ZKSCAN2: variants seen among roughly 807,000 people sequenced by gnomAD.
ZKSCAN2 encodes the protein zinc finger protein with KRAB and SCAN domains 2.
ZKSCAN2 carries 38 observed loss-of-function variants against 90.5 expected under a neutral mutation model. That is an observed-to-expected ratio of 0.42 (90% CI 0.32 to 0.55). ZKSCAN2 has a LOEUF of 0.55. ZKSCAN2 is among the 20% of genes least tolerant of loss of function. The pLI is 0.11. For synonymous variants in ZKSCAN2, 429 were observed against 421.6 expected, an observed-to-expected ratio of 1.02 and a Z score of -0.22; for missense variants, 1,167 against 1,202.6, an observed-to-expected ratio of 0.97 and a Z score of 0.44.
In ZKSCAN2 at chr16:25,250,166, G is replaced by A. The variant is rs192615741; in HGVS notation, c.805+1743C>T. 9.1e-3 allele frequency among the ~76,000 whole-genome samples: 1,389 copies of A among 152,036 alleles called. 21 individuals carry two copies. Among genetic ancestry groups the A allele is most frequent in the African/African-American group, 0.032 (1,318 of 41,454 alleles). ...TCTACTAAAAATACAAAAATTAGCC[G>A]GGCATGGTGGCATGCACCTGTAGTT... On this transcript the variant is annotated intron_variant, in intron 4 of 6. Transcript: ENST00000328086.
chr16:25,244,081 C>A lies in ZKSCAN2; in HGVS notation c.1685G>T (p.Arg562Leu), dbSNP rs770075484. The part of the protein sequence containing the change: ...TKFKSLQKSY[R>L]KVKNGHVLES... Reference sequence around the variant, plus strand: ...TAGCACGTGGCCATTTTTCACCTTGCGGTAACTCTTCTGAAGGCTTTTGAA... The same window carrying A: ...TAGCACGTGGCCATTTTTCACCTTGAGGTAACTCTTCTGAAGGCTTTTGAA... Residue 562 changes from arginine to leucine, a missense_variant, in exon 6 of 7, where the codon CGC (arginine) becomes CTC (leucine). Coordinates refer to ENST00000328086, the MANE Select transcript of ZKSCAN2 (RefSeq NM_001012981.5). 18 of 1,614,038 alleles carry A rather than the reference C, an allele frequency of 1.1e-5. No homozygotes were observed. The East Asian group carries it at 3.3e-4, about 30-fold the overall frequency.
In ZKSCAN2 at chr16:25,257,228, CG is replaced by C. The variant is rs1963119521; in HGVS notation, c.-102del. The C allele has an allele frequency of 2.8e-6, 4 of 1,443,248 alleles. No individual in the cohort carries two copies. The highest frequency in any genetic ancestry group is 4.0e-4 in the Middle Eastern group (2 of 4,990). 89.4% of individuals were successfully genotyped at this position (1,443,248 alleles called of 1,614,324 possible). On this transcript the variant is annotated 5_prime_UTR_variant, in exon 1 of 7. Transcript: ENST00000328086. ...ATGTTCCTGGGAGTGTGATAAGGTA[CG>C]GAGGTAAAAACGGCCAGGTCGGCAG...
At position 25,253,160 on chromosome 16, in the gene ZKSCAN2, G is replaced by A. The variant is rs954461062; in HGVS notation, c.587-123C>T. ...CAAATATAAATTCACCATTTTATCTGTGAGTTCAGAACAATCCCCAAAAAC... is the reference window on the plus strand; with the variant it reads ...CAAATATAAATTCACCATTTTATCTATGAGTTCAGAACAATCCCCAAAAAC... On this transcript the variant is annotated intron_variant, in intron 2 of 6. Transcript: ENST00000328086. The A allele has an allele frequency of 1.2e-4, 92 of 797,150 alleles. 1 individual carries two copies. The African/African-American group carries it at 1.5e-3, about 13-fold the overall frequency. The allele number at this position is 797,150 out of a possible 1,614,324, so 49.4% of individuals were successfully genotyped here.
rs952644425 is a variant in ZKSCAN2 at position 25,236,100 on chromosome 16, T to G, written c.*3716A>C. ...GTGAACACTGATACAAAACAATGAA[T>G]GGACATCCATTTGCACCAGGTCTTG... On this transcript the variant is annotated 3_prime_UTR_variant, in exon 7 of 7. Coordinates refer to ENST00000328086, the MANE Select transcript of ZKSCAN2 (RefSeq NM_001012981.5). 1 of 152,256 alleles carries G rather than the reference T, an allele frequency of 6.6e-6. No homozygotes were observed. 9.4% of individuals were successfully genotyped at this position (152,256 alleles called of 1,614,324 possible).
chr16:25,246,749 A>C lies in ZKSCAN2; in HGVS notation c.1447T>G (p.Ser483Ala), dbSNP rs954125144. 1 of 1,614,202 alleles carries C rather than the reference A, an allele frequency of 6.2e-7. No homozygotes were observed. The highest frequency in any genetic ancestry group is 1.6e-4 in the Middle Eastern group (1 of 6,062). ...DEIGIEFIRK[S>A]EIHGAPVLFQ... ...AAGACAGGGGCACCATGGATTTCAG[A>C]CTTGCGGATAAATTCGATGCCTATT... is the stretch of plus-strand genomic sequence containing the variant. Residue 483 changes from serine to alanine, a missense_variant, in exon 5 of 7, where the codon TCT (serine) becomes GCT (alanine). Physicochemically the swap from Ser to Ala is moderately conservative, Grantham distance 99 (BLOSUM62 1). Transcript: ENST00000328086.
chr16:25,244,061 C>T lies in ZKSCAN2; in HGVS notation c.1705G>A (p.Val569Met), dbSNP rs147540232. Residue 569 changes from valine (V) to methionine (M), a missense_variant, in exon 6 of 7, where the codon GTG becomes ATG. By Grantham distance (21) the Val-to-Met change is conservative (BLOSUM62 1). Coordinates refer to ENST00000328086, the MANE Select transcript of ZKSCAN2 (RefSeq NM_001012981.5). ...KSYRKVKNGH[V>M]LESCAFYKEM... The stretch of plus-strand genomic sequence containing the variant: ...TTGTAGAACGCGCAGGACTCTAGCA[C>T]GTGGCCATTTTTCACCTTGCGGTAA... 5.3e-5 allele frequency: 85 copies of T among 1,614,138 alleles called. No homozygotes were observed. The African/African-American group carries it at 5.5e-4, about 10-fold the overall frequency.
At chr16:25,243,293 G>GT (rs1567350986) in intron 6 of ZKSCAN2, among the ~76,000 whole-genome samples, 2 of 152,152 alleles carry the variant, frequency 1.3e-5, no homozygotes, top group African/African-American at 4.8e-5. Flanking sequence ...TCACTCTAAC[G>GT]TGAGTTCCTC....
At chr16:25,245,217 G>A (rs930055004) in intron 5 of ZKSCAN2, among the ~76,000 whole-genome samples, 2 of 152,130 alleles carry the variant, frequency 1.3e-5, no homozygotes, top group African/African-American at 4.8e-5. Flanking sequence ...CGACCCTCTC[G>A]CTTCAGCCTC....
Position 25,256,869 on chromosome 16 carries a change from G to C in ZKSCAN2, c.259C>G (p.Leu87Val). 6.2e-7 allele frequency: 1 copy of C among 1,614,208 alleles called. No homozygotes were observed. The highest frequency in any genetic ancestry group is 8.5e-7 in the Non-Finnish European group (1 of 1,180,046). ...GTGAGAAACTGCTCAATCACCAGCA[G>C]CTCAAGTATTTGCTCCTTGGAACGC... The part of the protein sequence containing the change: ...EMRSKEQILE[L>V]LVIEQFLTIL... The change falls in exon 1 of 7, where the codon CTG becomes GTG. Residue 87 changes from leucine to valine, a missense_variant. Physicochemically the swap from Leu to Val is conservative, Grantham distance 32. Coordinates refer to ENST00000328086, the MANE Select transcript of ZKSCAN2 (RefSeq NM_001012981.5).
rs536820289 is a variant in ZKSCAN2 at position 25,250,253 on chromosome 16, G to A, written c.805+1656C>T. On this transcript the variant is annotated intron_variant, in intron 4 of 6. Coordinates refer to ENST00000328086, the MANE Select transcript of ZKSCAN2 (RefSeq NM_001012981.5). Reference sequence around the variant, plus strand: ...GAACCCAGGAGGCAGAGGTTGCAGCGAGCCGAGATTGCACCACTGCACTCC... The same window carrying A: ...GAACCCAGGAGGCAGAGGTTGCAGCAAGCCGAGATTGCACCACTGCACTCC... Among the ~76,000 whole-genome samples, 20 of 152,156 alleles carry A rather than the reference G, an allele frequency of 1.3e-4. No individual in the cohort carries two copies. The South Asian group carries it at 4.1e-3, about 32-fold the overall frequency.
At chr16:25,245,584 G>T (rs1962920220) in intron 5 of ZKSCAN2, among the ~76,000 whole-genome samples, 2 of 152,026 alleles carry the variant, frequency 1.3e-5, no homozygotes, top group South Asian at 4.2e-4. Flanking sequence ...TGACCAACAT[G>T]GTGAAACCCT....
At chr16:25,252,596 A>C (rs1041347889) in intron 3 of ZKSCAN2, among the ~76,000 whole-genome samples, 47 of 152,226 alleles carry the variant, frequency 3.1e-4, no homozygotes, top group Admixed American at 2.0e-4. Context: ...ATTGCGCCTA[A>C]ACACCCTAGT....
rs750222002 is a variant in ZKSCAN2, at chr16:25,256,731, G to T, written c.397C>A (p.Gln133Lys). Reference protein sequence around the residue: ...LEKETGRLRQQVSSPVHREKH... With the variant: ...LEKETGRLRQKVSSPVHREKH... Reference sequence around the variant, plus strand: ...AAATTTGGAAAATCCTCTCTCACCTGCTGTCTTAGTCTTCCAGTCTCTTTC... The same window carrying T: ...AAATTTGGAAAATCCTCTCTCACCTTCTGTCTTAGTCTTCCAGTCTCTTTC... Residue 133 changes from glutamine to lysine, a missense_variant and splice_region_variant, in exon 1 of 7, where the codon CAG becomes AAG. Coordinates refer to ENST00000328086, the MANE Select transcript of ZKSCAN2 (RefSeq NM_001012981.5). 1.2e-6 allele frequency: 2 copies of T among 1,606,800 alleles called. No individual in the cohort carries two copies. Among genetic ancestry groups the T allele is most frequent in the Non-Finnish European group, 8.5e-7 (1 of 1,176,696 alleles).
chr16:25,250,558 TTAA>T (rs1260782831), intron 4 of ZKSCAN2, among the ~76,000 whole-genome samples: 5 of 152,150 alleles, frequency 3.3e-5, no homozygotes, highest in Admixed American at 6.6e-5. Context: ...ATGGTTACAG[TTAA>T]TAATATTATA....
At chr16:25,254,401 G>T (rs1479613511) in intron 2 of ZKSCAN2, among the ~76,000 whole-genome samples, 1 of 152,182 alleles carries the variant, frequency 6.6e-6, no homozygotes, top group Non-Finnish European at 1.5e-5. Flanking sequence ...AATGTCAGTG[G>T]TCCCTTCCCT....
chr16:25,248,763 G>C (rs1009169778), intron 4 of ZKSCAN2, among the ~76,000 whole-genome samples: 5 of 152,152 alleles, frequency 3.3e-5, no homozygotes. Context: ...ACTAAAAATA[G>C]AATTACCATA....
chr16:25,240,710 C>A lies in ZKSCAN2; in HGVS notation c.2010G>T (p.Glu670Asp). 1 of 1,604,306 alleles carries A rather than the reference C, an allele frequency of 6.2e-7. No individual in the cohort carries two copies. The highest frequency in any genetic ancestry group is 8.5e-7 in the Non-Finnish European group (1 of 1,173,484). The change falls in exon 7 of 7, where the codon GAG becomes GAT. Residue 670 changes from glutamate to aspartate, a missense_variant. Glu to Asp is a conservative substitution (Grantham distance 45, BLOSUM62 2). Transcript: ENST00000328086. ...CCTTATATACTATCTGTGTTGGATC[C>A]TCCTTGATGCTACTTCCGATTTCAA... Reference protein sequence around the residue: ...NDFEIGSSIKEDPTQIVYKDM... With the variant: ...NDFEIGSSIKDDPTQIVYKDM...
chr16:25,257,507 T>A lies in ZKSCAN2; in HGVS notation c.-380A>T, dbSNP rs1042404384. ...GGCCGGGAGGGGGTGTGTCCGCTAC[T>A]CCCGGGTCGGGCGCGGAGAGGCGAG... On this transcript the variant is annotated 5_prime_UTR_variant, in exon 1 of 7. Coordinates refer to ENST00000328086, the MANE Select transcript of ZKSCAN2 (RefSeq NM_001012981.5). The A allele has an allele frequency of 1.0e-6, 1 of 993,768 alleles. No individual in the cohort carries two copies. Among genetic ancestry groups the A allele is most frequent in the Admixed American group, 6.1e-5 (1 of 16,490 alleles). 61.6% of individuals were successfully genotyped at this position (993,768 alleles called of 1,614,324 possible).
At position 25,246,777 on chromosome 16, in the gene ZKSCAN2, A is replaced by G. The variant is rs777396575; in HGVS notation, c.1419T>C (p.Asp473=). Residue 473 remains aspartate (D), a synonymous_variant, in exon 5 of 7, where the codon GAT becomes GAC. Transcript: ENST00000328086. The part of the protein sequence containing the change: ...EEEAAEDSDD[D]EIGIEFIRKS... ...TGCGGATAAATTCGATGCCTATTTC[A>G]TCATCATCAGAATCTTCTGCAGCTT... 1 of 1,614,200 alleles carries G rather than the reference A, an allele frequency of 6.2e-7. No homozygotes were observed. Among genetic ancestry groups the G allele is most frequent in the East Asian group, 2.2e-5 (1 of 44,888 alleles).
Sources: allele counts gnomAD v4.1 joint callset (sites outside exome capture counted in the v4.1 genomes callset), GRCh38; gene constraint gnomAD v4.1.1; transcripts MANE v1.5; gene names NCBI Gene and HGNC (gene_info 2026-07-23, HGNC 2026-07-21).